Variants in ATF2 observed in about 807,000 individuals in gnomAD.
ATF2 encodes cyclic AMP-dependent transcription factor ATF-2.
A neutral mutation model predicts 60.6 loss-of-function variants in ATF2; 24 were observed. The observed-to-expected ratio is 0.40, with a 90% CI of 0.29 to 0.56. The LOEUF (loss-of-function observed/expected upper bound fraction) is 0.56, where lower values mean the gene tolerates loss of function less well. Among genes scored for constraint, ATF2 ranks in the 20% least tolerant of loss-of-function variants. ATF2 has a pLI of 0.54. For missense variants in ATF2, 433 were observed against 607.7 expected (o/e 0.71, Z 3.02); for synonymous variants, 206 against 215.4 (o/e 0.96, Z 0.38).
chr2:175,141,206 G>GT (rs941232908), intron 2 of ATF2, among the ~76,000 whole-genome samples: 7 of 151,178 alleles, frequency 4.6e-5, no homozygotes, highest in Non-Finnish European at 8.8e-5. Flanking sequence ...TTCATAAATG[G>GT]TATCTGTCAA....
intron 3 of ATF2, among the ~76,000 whole-genome samples, chr2:175,130,757 A>G (rs1697669825): frequency 2.0e-5 from 3 of 152,172 alleles, no homozygotes; most frequent in Admixed American, 1.3e-4. Context: ...TTCAAAAATA[A>G]AAGAGAAATG....
chr2:175,138,747 A>C (rs188830375), intron 2 of ATF2, among the ~76,000 whole-genome samples: 147 of 152,340 alleles, frequency 9.6e-4, no homozygotes, highest in Admixed American at 1.4e-3. Flanking sequence ...CCCATAATCC[A>C]GATTGAAAAT....
intron 1 of ATF2, among the ~76,000 whole-genome samples, chr2:175,153,396 C>G (rs1699437982): frequency 6.6e-6 from 1 of 152,148 alleles, no homozygotes; most frequent in Non-Finnish European, 1.5e-5. Flanking sequence ...TCACACAAAC[C>G]TTGATGATAT....
At chr2:175,079,138 T>G (rs926647227) in intron 13 of ATF2, among the ~76,000 whole-genome samples, 1 of 152,274 alleles carries the variant, frequency 6.6e-6, no homozygotes, top group African/African-American at 2.4e-5. Flanking sequence ...GTAAATCAAT[T>G]GTCAAATGAA....
intron 2 of ATF2, among the ~76,000 whole-genome samples, chr2:175,139,357 A>G (rs1295067959): frequency 1.3e-5 from 2 of 152,110 alleles, no homozygotes; most frequent in Admixed American, 6.6e-5. Flanking sequence ...GAAGCTACCA[A>G]CCTCTACGCT....
rs1367218807 is a variant in ATF2, at chr2:175,097,562, G to C, written c.860C>G (p.Pro287Arg). ...GACAGTATCACCATTGGTAACTGGA[G>C]GATGTTGCTGGGTCAAAGCAGCTTT... ...RLKAALTQQH[P>R]PVTNGDTVKG... Residue 287 changes from proline (P) to arginine (R), a missense_variant, in exon 11 of 14, where the codon CCT becomes CGT. Coordinates refer to ENST00000264110, the MANE Select transcript of ATF2 (RefSeq NM_001880.4). 6.2e-7 allele frequency: 1 copy of C among 1,614,054 alleles called. No homozygotes were observed. The highest frequency in any genetic ancestry group is 8.5e-7 in the Non-Finnish European group (1 of 1,179,988).
At chr2:175,136,316 A>C (rs765913381) in intron 3 of ATF2, 96 bp downstream of exon 3, 32 of 1,185,608 alleles carry the variant, frequency 2.7e-5, no homozygotes, top group Non-Finnish European at 3.8e-5. Context: ...ATGGAAAAAA[A>C]CACCACAAAT....
intron 12 of ATF2, among the ~76,000 whole-genome samples, chr2:175,084,704 C>G (rs1694030746): frequency 6.7e-6 from 1 of 149,492 alleles, no homozygotes; most frequent in Admixed American, 6.7e-5. Context: ...GTGCCTATTT[C>G]TGGGTTCCCA....
Position 175,125,657 on chromosome 2 carries a change from T to C in ATF2, c.103-4117A>G, listed in dbSNP as rs948656737. 5.9e-4 allele frequency among the ~76,000 whole-genome samples: 90 copies of C among 152,258 alleles called. 1 individual carries two copies. Among genetic ancestry groups the C allele is most frequent in the African/African-American group, 2.1e-3 (87 of 41,582 alleles). ...TTATGTAGAAAGATATTCATCACAA[T>C]GTTGCTTATAATACCAAAATTAAAA... On this transcript the variant is annotated intron_variant, in intron 4 of 13. Transcript: ENST00000264110.
chr2:175,148,076 A>AT (rs1442146299), intron 2 of ATF2: 5 of 109,632 alleles, frequency 4.6e-5, no homozygotes, highest in East Asian at 2.7e-4. Context: ...GTTCTTACTG[A>AT]TAAAAAAAAA....
chr2:175,134,781 C>T (rs1698016647), intron 3 of ATF2, among the ~76,000 whole-genome samples: 1 of 151,796 alleles, frequency 6.6e-6, no homozygotes, highest in Admixed American at 6.6e-5. Flanking sequence ...CCCAGGAGTT[C>T]AAGACTAGCC....
At chr2:175,128,403 G>A (rs1324522749) in intron 4 of ATF2, among the ~76,000 whole-genome samples, 1 of 152,092 alleles carries the variant, frequency 6.6e-6, no homozygotes, top group African/African-American at 2.4e-5. Flanking sequence ...GGGAGGCTAA[G>A]GCAGGAGAAT....
At chr2:175,095,288 G>A (rs1694858035) in intron 11 of ATF2, among the ~76,000 whole-genome samples, 6 of 151,788 alleles carry the variant, frequency 4.0e-5, no homozygotes, top group East Asian at 1.9e-4. Context: ...TAGTAGAGAC[G>A]GGGTTTCACC....
chr2:175,151,836 G>C (rs1699334761), intron 1 of ATF2, among the ~76,000 whole-genome samples: 1 of 152,112 alleles, frequency 6.6e-6, no homozygotes, highest in African/African-American at 2.4e-5. Flanking sequence ...TCAACATGTG[G>C]CTTCTCCTTC....
intron 10 of ATF2, among the ~76,000 whole-genome samples, chr2:175,110,443 A>G (rs939936679): frequency 6.6e-6 from 1 of 152,234 alleles, no homozygotes; most frequent in Non-Finnish European, 1.5e-5. Flanking sequence ...AAGGTGTCTA[A>G]TAACTACTAA....
At chr2:175,081,911 C>T (rs1693783842) in intron 12 of ATF2, among the ~76,000 whole-genome samples, 1 of 151,998 alleles carries the variant, frequency 6.6e-6, no homozygotes, top group Non-Finnish European at 1.5e-5. Flanking sequence ...ATTAGTTGGG[C>T]GTGGTGGAGG....
intron 2 of ATF2, among the ~76,000 whole-genome samples, chr2:175,148,780 G>A (rs1448267532): frequency 1.3e-5 from 2 of 152,104 alleles, no homozygotes; most frequent in African/African-American, 4.8e-5. Context: ...CAGGTCTTTA[G>A]ATAGTAACTC....
chr2:175,076,023 C>T (rs1693264148), intron 13 of ATF2, among the ~76,000 whole-genome samples: 1 of 152,002 alleles, frequency 6.6e-6, no homozygotes, highest in Non-Finnish European at 1.5e-5. Flanking sequence ...TACTAATGGC[C>T]AGATGCCCAT....
intron 10 of ATF2, among the ~76,000 whole-genome samples, chr2:175,101,046 C>A (rs930568288): frequency 6.6e-6 from 1 of 152,210 alleles, no homozygotes; most frequent in Non-Finnish European, 1.5e-5. Context: ...GCATTCCTAA[C>A]AGAGACATGC....
Sources: gnomAD v4.1 joint callset for allele counts (sites outside exome capture counted in the v4.1 genomes callset) on GRCh38, gnomAD v4.1.1 for gene constraint, MANE v1.5 for transcripts, NCBI Gene and HGNC (gene_info 2026-07-23, HGNC 2026-07-21) for gene names.